Variants in POC1B observed in about 807,000 individuals in gnomAD.
The protein encoded by POC1B is POC1 centriolar protein homolog B.
Under a neutral mutation model 60.6 loss-of-function variants are expected in POC1B, and 44 were observed. The observed-to-expected ratio is 0.73, with a 90% CI of 0.57 to 0.93. The LOEUF (loss-of-function observed/expected upper bound fraction) is 0.93, where lower values mean the gene tolerates loss of function less well. Among genes scored for constraint, POC1B ranks in the 40% least tolerant of loss-of-function variants. POC1B has a pLI of 0.00. For synonymous variants in POC1B, 180 were observed against 198.9 expected, an observed-to-expected ratio of 0.90 and a Z score of 0.80; for missense variants, 555 against 572.3, an observed-to-expected ratio of 0.97 and a Z score of 0.31.
intron 2 of POC1B, among the ~76,000 whole-genome samples, chr12:89,518,083 T>G (rs1365892127): frequency 6.6e-6 from 1 of 151,942 alleles, no homozygotes; most frequent in African/African-American, 2.4e-5. Context: ...TGCTCTAATT[T>G]TCCTTTTTTT....
chr12:89,515,839 C>T (rs956279518), intron 2 of POC1B, among the ~76,000 whole-genome samples: 1 of 152,218 alleles, frequency 6.6e-6, no homozygotes, highest in African/African-American at 2.4e-5. Context: ...ACCATCTTCA[C>T]TTCACTAACC....
intron 10 of POC1B, among the ~76,000 whole-genome samples, chr12:89,452,436 C>T (rs1882085706): frequency 2.0e-5 from 3 of 151,462 alleles, no homozygotes; most frequent in African/African-American, 4.9e-5. Context: ...ACATTTTATA[C>T]GGCAGAGTTC....
At chr12:89,523,210 GC>G (rs759235630) in intron 2 of POC1B, 95 of 1,613,844 alleles carry the variant, frequency 5.9e-5, no homozygotes, top group Non-Finnish European at 6.3e-5. Context: ...ACTGCGAATA[GC>G]CCCATGCCAG....
At chr12:89,520,325 C>T (rs918386735) in intron 2 of POC1B, 32 of 151,994 alleles carry the variant, frequency 2.1e-4, no homozygotes, top group Admixed American at 6.6e-4. Flanking sequence ...GTAATAAGTA[C>T]TTTCAAAATA....
chr12:89,484,472 A>C (rs1435847283), intron 4 of POC1B, among the ~76,000 whole-genome samples: 1 of 152,246 alleles, frequency 6.6e-6, no homozygotes, highest in Non-Finnish European at 1.5e-5. Flanking sequence ...TGACTTTTGA[A>C]TATCAGCTGA....
intron 10 of POC1B, among the ~76,000 whole-genome samples, chr12:89,459,407 T>TA (rs10535587): frequency 2.0e-3 from 202 of 102,422 alleles, no homozygotes; most frequent in East Asian, 3.1e-3. Flanking sequence ...ACTTAAAGTA[T>TA]AAAAAAAAAA....
chr12:89,401,693 C>T, the POC1B span, among the ~76,000 whole-genome samples: 1 of 152,162 alleles, frequency 6.6e-6, no homozygotes, highest in Non-Finnish European at 1.5e-5. Flanking sequence ...AAGCCTTAAT[C>T]TCAATCTTTT....
the POC1B span, among the ~76,000 whole-genome samples, chr12:89,403,089 C>A: frequency 1.3e-5 from 2 of 151,846 alleles, no homozygotes; most frequent in Non-Finnish European, 2.9e-5. Context: ...CTCACTGCAA[C>A]CTCCACCTCC....
At position 89,466,819 on chromosome 12, in the gene POC1B, A is replaced by G. The variant is rs780977321; in HGVS notation, c.983T>C (p.Ile328Thr). The change falls in exon 9 of 12, where the codon ATC (isoleucine) becomes ACC (threonine). Residue 328 changes from isoleucine to threonine, a missense_variant. Ile to Thr is a moderately conservative substitution (Grantham distance 89). Transcript: ENST00000313546. ...HFDSPPHLLD[I>T]YPRTPHPHEE... ...ATGGGGATGTGGTGTTCTTGGGTAG[A>G]TATCAAGAAGATGTGGTGGTGAATC... 6 of 1,612,904 alleles carry G rather than the reference A, an allele frequency of 3.7e-6. No individual in the cohort carries two copies. In the African/African-American group the frequency reaches 8.0e-5, roughly 22 times the overall value.
chr12:89,464,147 T>C (rs10858870), intron 9 of POC1B, among the ~76,000 whole-genome samples: 43,091 of 152,134 alleles, frequency 0.28, 6,580 homozygotes, highest in Non-Finnish European at 0.35. Flanking sequence ...TAAATCCTAA[T>C]ACTGACCTCA....
At chr12:89,507,672 C>G (rs930875083) in intron 2 of POC1B, among the ~76,000 whole-genome samples, 7 of 152,148 alleles carry the variant, frequency 4.6e-5, no homozygotes, top group African/African-American at 1.7e-4. Flanking sequence ...GAACAAAGCC[C>G]ATGCTTACCT....
chr12:89,487,163 C>G (rs1390033639), intron 4 of POC1B, among the ~76,000 whole-genome samples: 1 of 152,200 alleles, frequency 6.6e-6, no homozygotes, highest in East Asian at 1.9e-4. Context: ...TCCAACAAGA[C>G]TCACTCCTCC....
intron 9 of POC1B, 182 bp downstream of exon 9, chr12:89,466,588 G>T: frequency 2.1e-6 from 1 of 486,410 alleles, no homozygotes; most frequent in Non-Finnish European, 3.5e-6. Context: ...TTACTTCTGG[G>T]CCTTCAAGAA....
chr12:89,467,535 T>C (rs931686704), intron 8 of POC1B, 82 bp downstream of exon 8: 4 of 1,134,954 alleles, frequency 3.5e-6, no homozygotes, highest in Admixed American at 2.1e-5. Context: ...ATACACAAAC[T>C]AGCTGGTTGT....
chr12:89,441,629 A>C (rs912479776), intron 10 of POC1B, among the ~76,000 whole-genome samples: 6 of 152,218 alleles, frequency 3.9e-5, no homozygotes, highest in Admixed American at 2.0e-4. Flanking sequence ...ACCATCATCA[A>C]AGACCAAAGG....
At chr12:89,457,189 A>C (rs7308051) in intron 10 of POC1B, among the ~76,000 whole-genome samples, 79,593 of 152,048 alleles carry the variant, frequency 0.52, 21,220 homozygotes, top group African/African-American at 0.61. Flanking sequence ...ATTGTGCTTC[A>C]TGCCAAAGCA....
chr12:89,447,088 C>T (rs10777165), intron 10 of POC1B, among the ~76,000 whole-genome samples: 114,722 of 152,044 alleles, frequency 0.75, 43,359 homozygotes, highest in Middle Eastern at 0.81. Flanking sequence ...AATAATAAAA[C>T]GTCTTAGAGA....
At chr12:89,468,705 T>C (rs959980890) in intron 7 of POC1B, among the ~76,000 whole-genome samples, 17 of 152,136 alleles carry the variant, frequency 1.1e-4, no homozygotes, top group African/African-American at 3.9e-4. Context: ...TCCATGGATA[T>C]GCATATATTT....
chr12:89,500,330 A>C (rs1869490730), intron 2 of POC1B: 1 of 1,515,080 alleles, frequency 6.6e-7, no homozygotes, highest in African/African-American at 1.4e-5. Context: ...AGAGTGCCAG[A>C]AATCACATCC....
Sources: allele counts gnomAD v4.1 joint callset (sites outside exome capture counted in the v4.1 genomes callset), GRCh38; gene constraint gnomAD v4.1.1; transcripts MANE v1.5; gene names NCBI Gene and HGNC (gene_info 2026-07-23, HGNC 2026-07-21).